TSPAN18: variants seen among roughly 807,000 people sequenced by gnomAD.
TSPAN18 encodes tetraspanin-18.
TSPAN18 carries 14 observed loss-of-function variants against 27.3 expected under a neutral mutation model. That is an observed-to-expected ratio of 0.51 (90% CI 0.34 to 0.80). The LOEUF (loss-of-function observed/expected upper bound fraction) is 0.80, where lower values mean the gene tolerates loss of function less well. Ranked by LOEUF, TSPAN18 falls within the 30% of genes least tolerant of loss-of-function variation. TSPAN18 has a pLI of 0.01. For synonymous variants in TSPAN18, 143 were observed against 136.5 expected, an observed-to-expected ratio of 1.05 and a Z score of -0.33; for missense variants, 268 against 323.9, an observed-to-expected ratio of 0.83 and a Z score of 1.32.
intron 6 of TSPAN18, 76 bp downstream of exon 6, chr11:44,918,122 C>T: frequency 6.8e-7 from 1 of 1,473,536 alleles, no homozygotes; most frequent in Non-Finnish European, 9.4e-7. Context: ...CTGGCTCCTC[C>T]CCTCCTTGAA....
intron 3 of TSPAN18, among the ~76,000 whole-genome samples, chr11:44,883,763 G>C (rs1858559245): frequency 1.3e-5 from 2 of 152,220 alleles, no homozygotes. Flanking sequence ...TACCAGCTTT[G>C]GGACTTGGAC....
intron 1 of TSPAN18, among the ~76,000 whole-genome samples, chr11:44,760,814 C>T (rs1433536866): frequency 6.6e-6 from 1 of 152,148 alleles, no homozygotes; most frequent in African/African-American, 2.4e-5. Flanking sequence ...TTTTTAACAT[C>T]TTAATGTCTC....
chr11:44,731,633 T>TGTGTGAGACA (rs139154582), intron 1 of TSPAN18, among the ~76,000 whole-genome samples: 1 of 107,384 alleles, frequency 9.3e-6, no homozygotes, highest in Non-Finnish European at 1.9e-5. Context: ...TGTGTGTGTG[T>TGTGTGAGACA]GAGAGAGAGA....
chr11:44,798,589 T>C (rs780172788), intron 2 of TSPAN18, among the ~76,000 whole-genome samples: 16 of 152,200 alleles, frequency 1.1e-4, no homozygotes, highest in Non-Finnish European at 1.9e-4. Flanking sequence ...TTTGCATTGC[T>C]AGCTTCAGTC....
chr11:44,920,728 C>T (rs1226519394), intron 8 of TSPAN18, among the ~76,000 whole-genome samples: 1 of 152,122 alleles, frequency 6.6e-6, no homozygotes. Flanking sequence ...AGCCTGGGCC[C>T]CAGCCCCCTT....
intron 2 of TSPAN18, among the ~76,000 whole-genome samples, chr11:44,799,164 G>A (rs1217914667): frequency 6.6e-6 from 1 of 151,960 alleles, no homozygotes; most frequent in Non-Finnish European, 1.5e-5. Flanking sequence ...TGAAACTGTG[G>A]GCTTCTCCTG....
intron 3 of TSPAN18, among the ~76,000 whole-genome samples, chr11:44,882,653 A>C: frequency 7.2e-6 from 1 of 139,066 alleles, no homozygotes; most frequent in Non-Finnish European, 1.6e-5. Flanking sequence ...GCGTGCATGT[A>C]TGTGTGTGTT....
chr11:44,858,389 G>T (rs1431843084), intron 2 of TSPAN18, among the ~76,000 whole-genome samples: 2 of 151,954 alleles, frequency 1.3e-5, no homozygotes. Flanking sequence ...CTCTCCCTTT[G>T]AGTTATTACA....
chr11:44,882,668 G>A (rs1050722095), intron 3 of TSPAN18, among the ~76,000 whole-genome samples: 2 of 150,590 alleles, frequency 1.3e-5, no homozygotes, highest in Non-Finnish European at 3.0e-5. Flanking sequence ...TGTGTTCCAA[G>A]AGGGAAGAGA....
chr11:44,860,709 G>A (rs1857856458), intron 3 of TSPAN18, among the ~76,000 whole-genome samples: 1 of 152,198 alleles, frequency 6.6e-6, no homozygotes, highest in Admixed American at 6.5e-5. Flanking sequence ...ACCCTCGGAG[G>A]GGCCAGACAG....
chr11:44,841,356 A>T (rs1213219838), intron 2 of TSPAN18, among the ~76,000 whole-genome samples: 1 of 152,146 alleles, frequency 6.6e-6, no homozygotes, highest in Admixed American at 6.5e-5. Context: ...CATCTCTATT[A>T]AAAATACAAA....
intron 3 of TSPAN18, among the ~76,000 whole-genome samples, chr11:44,884,468 G>A (rs557671300): frequency 1.3e-5 from 2 of 152,302 alleles, no homozygotes; most frequent in African/African-American, 4.8e-5. Context: ...GGCCTCGATG[G>A]GCGATCAGCT....
At chr11:44,918,116 C>A in intron 6 of TSPAN18, 70 bp downstream of exon 6, 2 of 1,481,972 alleles carry the variant, frequency 1.3e-6, no homozygotes, top group Non-Finnish European at 1.9e-6. Flanking sequence ...TCAGGTCTGG[C>A]TCCTCCCCTC....
chr11:44,906,284 C>T (rs934859131), intron 3 of TSPAN18, 123 bp from the exon 4 acceptor site: 24 of 855,432 alleles, frequency 2.8e-5, no homozygotes, highest in Non-Finnish European at 4.8e-5. Context: ...CTATCATCGG[C>T]CTCCATCTTC....
chr11:44,915,030 C>T (rs529224617), intron 5 of TSPAN18, among the ~76,000 whole-genome samples: 11 of 152,334 alleles, frequency 7.2e-5, no homozygotes, highest in South Asian at 2.1e-4. Context: ...CCCAGAGTGA[C>T]GGGCACACAG....
intron 1 of TSPAN18, among the ~76,000 whole-genome samples, chr11:44,763,421 G>A (rs1855497846): frequency 6.6e-6 from 1 of 152,120 alleles, no homozygotes; most frequent in Non-Finnish European, 1.5e-5. Flanking sequence ...CTGACAGAAG[G>A]GAAGGGTTGG....
At chr11:44,832,575 C>T (rs796108833) in intron 2 of TSPAN18, among the ~76,000 whole-genome samples, 159 of 152,336 alleles carry the variant, frequency 1.0e-3, no homozygotes, top group African/African-American at 3.7e-3. Flanking sequence ...AAGCCCGGAA[C>T]AAGCCAGTCA....
At chr11:44,871,876 C>A (rs1379906205) in intron 3 of TSPAN18, among the ~76,000 whole-genome samples, 2 of 152,184 alleles carry the variant, frequency 1.3e-5, no homozygotes, top group African/African-American at 2.4e-5. Context: ...CTCATGCAAT[C>A]TTTTCTCCAT....
At chr11:44,730,875 C>T (rs536698845) in intron 1 of TSPAN18, among the ~76,000 whole-genome samples, 13 of 152,166 alleles carry the variant, frequency 8.5e-5, no homozygotes, top group South Asian at 8.3e-4. Flanking sequence ...TCACCTGCCT[C>T]GGCCTCCCAA....
Sources: gnomAD v4.1 joint callset for allele counts (sites outside exome capture counted in the v4.1 genomes callset) on GRCh38, gnomAD v4.1.1 for gene constraint, MANE v1.5 for transcripts, NCBI Gene and HGNC (gene_info 2026-07-23, HGNC 2026-07-21) for gene names.